Variants in CEP112 observed in about 807,000 individuals in gnomAD.
CEP112 encodes centrosomal protein of 112 kDa.
CEP112 carries 127 observed loss-of-function variants against 153.0 expected under a neutral mutation model. That is an observed-to-expected ratio of 0.83 (90% CI 0.72 to 0.96). CEP112 has a LOEUF of 0.96. Ranked by LOEUF, CEP112 falls within the 40% of genes least tolerant of loss-of-function variation. CEP112 has a pLI of 0.00. For synonymous variants in CEP112, 358 were observed against 374.4 expected (o/e 0.96, Z 0.51); for missense variants, 1,089 against 1,101.2 (o/e 0.99, Z 0.16).
At chr17:65,851,646 A>G (rs1245494546) in intron 21 of CEP112, among the ~76,000 whole-genome samples, 158 bp downstream of exon 21, 1 of 152,220 alleles carries the variant, frequency 6.6e-6, no homozygotes. Flanking sequence ...GTACTTAGAC[A>G]TAGGAGCAAG....
intron 23 of CEP112, among the ~76,000 whole-genome samples, chr17:65,717,900 T>C (rs1176736131): frequency 3.9e-5 from 6 of 152,154 alleles, no homozygotes; most frequent in African/African-American, 7.2e-5. Flanking sequence ...GACAGTCATT[T>C]AAGGTGGTGG....
At chr17:65,662,747 G>A (rs1204600389) in intron 24 of CEP112, among the ~76,000 whole-genome samples, 1 of 152,148 alleles carries the variant, frequency 6.6e-6, no homozygotes, top group South Asian at 2.1e-4. Flanking sequence ...TCCTAAACGT[G>A]TGTGGATATT....
chr17:65,742,817 T>A (rs1411875293), intron 23 of CEP112, among the ~76,000 whole-genome samples: 1 of 152,224 alleles, frequency 6.6e-6, no homozygotes, highest in African/African-American at 2.4e-5. Flanking sequence ...AGAGTATTTT[T>A]AAAATATTTG....
At chr17:65,851,281 G>A (rs557368363) in intron 21 of CEP112, among the ~76,000 whole-genome samples, 1 of 152,256 alleles carries the variant, frequency 6.6e-6, no homozygotes, top group South Asian at 2.1e-4. Context: ...CAATCAAAAT[G>A]TGTAAACATT....
chr17:65,822,789 A>T (rs1400792247), intron 21 of CEP112, among the ~76,000 whole-genome samples: 1 of 152,188 alleles, frequency 6.6e-6, no homozygotes, highest in Non-Finnish European at 1.5e-5. Flanking sequence ...TTAATCCTTC[A>T]TAGGGAAAAC....
chr17:66,100,918 T>C (rs1216567801), intron 6 of CEP112, among the ~76,000 whole-genome samples: 1 of 152,172 alleles, frequency 6.6e-6, no homozygotes, highest in Non-Finnish European at 1.5e-5. Context: ...TCATAGGTTA[T>C]GTACAAATAC....
chr17:65,779,150 A>C (rs1258510799), intron 21 of CEP112, among the ~76,000 whole-genome samples: 1 of 152,206 alleles, frequency 6.6e-6, no homozygotes, highest in African/African-American at 2.4e-5. Context: ...CAATTCAAAG[A>C]AAAAACTCTC....
chr17:66,082,961 T>A lies in CEP112; in HGVS notation c.769-12960A>T, dbSNP rs79710192. Among the ~76,000 whole-genome samples, 1,437 of 152,210 alleles carry A rather than the reference T, an allele frequency of 9.4e-3. 20 individuals are homozygous for A. The highest frequency in any genetic ancestry group is 0.032 in the African/African-American group (1,314 of 41,532). ...CTAAGTATCTTCTGAACAATATGAA[T>A]TTAAAATGGAAGTTGTATTTTATTA... On this transcript the variant is annotated intron_variant, in intron 8 of 26. Coordinates refer to ENST00000535342, the MANE Select transcript of CEP112 (RefSeq NM_001199165.4).
chr17:65,843,557 A>C (rs2057605639), intron 21 of CEP112, among the ~76,000 whole-genome samples: 1 of 152,212 alleles, frequency 6.6e-6, no homozygotes, highest in African/African-American at 2.4e-5. Flanking sequence ...TTTAATTATA[A>C]ATTTTAAAGG....
chr17:66,128,091 C>T (rs755300936), intron 6 of CEP112, among the ~76,000 whole-genome samples: 1 of 151,898 alleles, frequency 6.6e-6, no homozygotes, highest in Non-Finnish European at 1.5e-5. Context: ...ACCTGAGGGT[C>T]GGGAGTTCGA....
chr17:65,727,138 C>A (rs1053958429), intron 23 of CEP112, among the ~76,000 whole-genome samples: 1 of 152,204 alleles, frequency 6.6e-6, no homozygotes, highest in Non-Finnish European at 1.5e-5. Context: ...TTCCCTGTAT[C>A]TTCATCATTG....
intron 4 of CEP112, among the ~76,000 whole-genome samples, chr17:66,169,573 C>T (rs551603209): frequency 1.3e-5 from 2 of 152,148 alleles, no homozygotes; most frequent in South Asian, 2.1e-4. Flanking sequence ...CATAAGCCAC[C>T]GCACCCGGCC....
chr17:65,650,760 A>G (rs1235211848), intron 24 of CEP112, among the ~76,000 whole-genome samples: 2 of 140,994 alleles, frequency 1.4e-5, no homozygotes, highest in African/African-American at 2.6e-5. Context: ...AAAAAAAATT[A>G]GCTGGGCATG....
intron 16 of CEP112, among the ~76,000 whole-genome samples, chr17:66,012,783 T>C (rs1394170409): frequency 6.6e-6 from 1 of 152,204 alleles, no homozygotes; most frequent in African/African-American, 2.4e-5. Flanking sequence ...TCTAGCAAGG[T>C]TGGGGAAATT....
intron 20 of CEP112, among the ~76,000 whole-genome samples, chr17:65,871,758 C>T (rs558231968): frequency 8.5e-5 from 13 of 152,222 alleles, no homozygotes; most frequent in Admixed American, 8.5e-4. Flanking sequence ...CCTCGCTAGA[C>T]AACTTGACCT....
At chr17:65,675,684 A>G (rs919538022) in intron 24 of CEP112, among the ~76,000 whole-genome samples, 2 of 152,044 alleles carry the variant, frequency 1.3e-5, no homozygotes, top group African/African-American at 4.8e-5. Flanking sequence ...CAAAAATCCT[A>G]AACAAAATAT....
chr17:66,002,277 C>T (rs1278043383), intron 17 of CEP112, among the ~76,000 whole-genome samples: 5 of 152,164 alleles, frequency 3.3e-5, no homozygotes, highest in Admixed American at 6.5e-5. Flanking sequence ...GATACAATTA[C>T]TGTGTCAGAA....
intron 21 of CEP112, among the ~76,000 whole-genome samples, chr17:65,784,861 G>T (rs2054193201): frequency 6.6e-6 from 1 of 152,004 alleles, no homozygotes; most frequent in Admixed American, 6.6e-5. Context: ...ACCATTCAGT[G>T]GTTTTTAGTA....
intron 23 of CEP112, among the ~76,000 whole-genome samples, chr17:65,707,741 T>C (rs1311600277): frequency 6.6e-6 from 1 of 152,208 alleles, no homozygotes; most frequent in African/African-American, 2.4e-5. Flanking sequence ...ATATAAGGAA[T>C]AGAAAAATGT....
Sources: allele counts gnomAD v4.1 joint callset (sites outside exome capture counted in the v4.1 genomes callset), GRCh38; gene constraint gnomAD v4.1.1; transcripts MANE v1.5; gene names NCBI Gene and HGNC (gene_info 2026-07-23, HGNC 2026-07-21).